The following CCDC149 variants were observed in gnomAD, a reference collection of about 807,000 sequenced individuals.
CCDC149 encodes coiled-coil domain containing 149.
A neutral mutation model predicts 59.9 loss-of-function variants in CCDC149; 45 were observed. The ratio of observed to expected loss-of-function variants is 0.75; its 90% CI spans 0.59 to 0.96. CCDC149 has a LOEUF of 0.96. CCDC149 is among the 40% of genes least tolerant of loss of function. The probability of loss-of-function intolerance (pLI) is 0.00; values close to 1 mark genes in which losing one functional copy is unlikely to be tolerated. For missense variants in CCDC149, 584 were observed against 664.7 expected (o/e 0.88, Z 1.33); for synonymous variants, 245 against 260.6 (o/e 0.94, Z 0.58).
At position 24,876,715 on chromosome 4, in the gene CCDC149, C is replaced by T. The variant is rs1396035775; in HGVS notation, c.64-18G>A. 2 of 1,594,048 alleles carry T rather than the reference C, an allele frequency of 1.3e-6. No homozygotes were observed. The highest frequency in any genetic ancestry group is 1.7e-6 in the Non-Finnish European group (2 of 1,169,428). On this transcript the variant is annotated intron_variant, in intron 1 of 12. Coordinates refer to ENST00000635206, the MANE Select transcript of CCDC149 (RefSeq NM_001330643.2). Reference sequence around the variant, plus strand: ...ACCAGGTACTGCAAAGCAAACAAATCCAGGCAATGGGTCAAAAACATCCAT... The same window carrying T: ...ACCAGGTACTGCAAAGCAAACAAATTCAGGCAATGGGTCAAAAACATCCAT...
intron 1 of CCDC149, among the ~76,000 whole-genome samples, chr4:24,899,250 G>C (rs1343793735): frequency 1.3e-5 from 2 of 152,170 alleles, no homozygotes; most frequent in Admixed American, 6.5e-5. Context: ...ATTAGAATCG[G>C]GTTGGGAGGT....
chr4:24,851,308 G>C (rs1390896952), intron 4 of CCDC149, among the ~76,000 whole-genome samples: 1 of 152,098 alleles, frequency 6.6e-6, no homozygotes, highest in Non-Finnish European at 1.5e-5. Flanking sequence ...TGTCATCCAT[G>C]CTAGAGTGCA....
rs57650226 is a variant in CCDC149 at position 24,813,489 on chromosome 4, A to AATATATATAT, written c.1193-4680_1193-4671dup. ...TATATCCCCAAGGTTCAGCTTGGGG[A>AATATATATAT]ATATATATATATATATATATATATA... is the stretch of plus-strand genomic sequence containing the variant. On this transcript the variant is annotated intron_variant, in intron 12 of 12. Coordinates refer to ENST00000635206, the MANE Select transcript of CCDC149 (RefSeq NM_001330643.2). Among the ~76,000 whole-genome samples the AATATATATAT allele has an allele frequency of 6.9e-3, 786 of 113,558 alleles. 4 individuals carry two copies. The highest frequency in any genetic ancestry group is 8.5e-3 in the Non-Finnish European group (501 of 58,882). The allele number at this position is 113,558 out of a possible 152,430, so 74.5% of individuals were successfully genotyped here. A position where few individuals can be genotyped will look rare whatever the true frequency, so the allele number is the denominator to read the frequency against.
At chr4:24,831,860 A>C (rs1424303259) in intron 8 of CCDC149, among the ~76,000 whole-genome samples, 14 of 152,250 alleles carry the variant, frequency 9.2e-5, no homozygotes, top group Admixed American at 6.5e-5. Context: ...GACTTTCATC[A>C]GCAATTTTTA....
rs1403602983 is a variant in CCDC149 at position 24,883,220 on chromosome 4, AG to A, written c.64-6524del. 1.2e-4 allele frequency among the ~76,000 whole-genome samples: 18 copies of A among 150,774 alleles called. No homozygotes were observed. In the East Asian group the frequency reaches 3.5e-3, roughly 29 times the overall value. ...TTTCTTTTCTTTTTTTTTTTTTTAAAGGTACAGAACAGAGCAGAAAATATCA... is the reference window on the plus strand; with the variant it reads ...TTTCTTTTCTTTTTTTTTTTTTTAAAGTACAGAACAGAGCAGAAAATATCA... On this transcript the variant is annotated intron_variant, in intron 1 of 12. Transcript: ENST00000635206.
rs905414768 is a variant in CCDC149 at position 24,807,625 on chromosome 4, G to C, written c.*764C>G. 1.3e-5 allele frequency: 2 copies of C among 152,146 alleles called. No homozygotes were observed. Among genetic ancestry groups the C allele is most frequent in the African/African-American group, 4.8e-5 (2 of 41,392 alleles). 9.4% of individuals were successfully genotyped at this position (152,146 alleles called of 1,614,324 possible). A position where few individuals can be genotyped will look rare whatever the true frequency, so the allele number is the denominator to read the frequency against. On this transcript the variant is annotated 3_prime_UTR_variant, in exon 13 of 13. Transcript: ENST00000635206. ...TCATCTCATCTCACAAAAAAAACCA[G>C]ACCACCACTGGGAGTCCTGTTCCCC...
At chr4:24,974,903 G>A (rs776015557) in intron 1 of CCDC149, among the ~76,000 whole-genome samples, 11 of 152,090 alleles carry the variant, frequency 7.2e-5, no homozygotes, top group Non-Finnish European at 1.3e-4. Flanking sequence ...GAAGGAAGGG[G>A]AGGGAAGGGA....
At chr4:24,813,494 A>ATCTATATCTATATCTATATATATATATC (rs1250098770) in intron 12 of CCDC149, among the ~76,000 whole-genome samples, 3 of 6,948 alleles carry the variant, frequency 4.3e-4, no homozygotes, top group African/African-American at 6.5e-4. Context: ...TGGGGAATAT[A>ATCTATATCTATATCTATATATATATATC]TATATATATA....
intron 1 of CCDC149, among the ~76,000 whole-genome samples, chr4:24,924,304 G>A (rs1363561390): frequency 6.6e-6 from 1 of 151,286 alleles, no homozygotes. Flanking sequence ...TCTTACACAT[G>A]TGAAAACCAA....
chr4:24,895,369 A>G (rs759494784), intron 1 of CCDC149, among the ~76,000 whole-genome samples: 1 of 152,146 alleles, frequency 6.6e-6, no homozygotes, highest in Non-Finnish European at 1.5e-5. Context: ...CAAATAGTAA[A>G]ACAGCATACA....
chr4:24,889,672 T>C (rs1720413790), intron 1 of CCDC149, among the ~76,000 whole-genome samples: 1 of 152,212 alleles, frequency 6.6e-6, no homozygotes, highest in African/African-American at 2.4e-5. Flanking sequence ...ATAGATTCAC[T>C]GGTTACTTCA....
intron 9 of CCDC149, among the ~76,000 whole-genome samples, chr4:24,826,226 C>T (rs1325885494): frequency 6.6e-6 from 1 of 152,104 alleles, no homozygotes; most frequent in African/African-American, 2.4e-5. Context: ...TCCCAAAGTG[C>T]TAGGATTACA....
chr4:24,912,870 C>A lies in CCDC149; in HGVS notation c.10G>T (p.Glu4Ter). 1 of 1,372,814 alleles carries A rather than the reference C, an allele frequency of 7.3e-7. No homozygotes were observed. Among genetic ancestry groups the A allele is most frequent in the South Asian group, 1.4e-5 (1 of 69,778 alleles). The allele number at this position is 1,372,814 out of a possible 1,614,324, so 85.0% of individuals were successfully genotyped here. The change falls in exon 1 of 13, where the codon GAG becomes TAG. Residue 4 changes from glutamate (E) to a stop codon, truncating the protein, a stop_gained. The change creates a premature stop within an existing upstream ORF in the 5' untranslated region. Transcript: ENST00000635206. LOFTEE classifies it high-confidence loss of function. ...TCAGTCCGGTCGCCGTTCATGGCCT[C>A]CTCCTCCATGCGCTGGCCGGCCTCC...
intron 1 of CCDC149, among the ~76,000 whole-genome samples, chr4:24,931,666 G>A (rs1412184768): frequency 6.6e-6 from 1 of 151,536 alleles, no homozygotes; most frequent in African/African-American, 2.4e-5. Context: ...GATCAAGCAG[G>A]TGGAGGTTAT....
intron 1 of CCDC149, among the ~76,000 whole-genome samples, chr4:24,957,507 C>T (rs1723502346): frequency 6.6e-6 from 1 of 152,170 alleles, no homozygotes; most frequent in Non-Finnish European, 1.5e-5. Context: ...AGGTACAGCC[C>T]TAAAAGACTG....
intron 1 of CCDC149, among the ~76,000 whole-genome samples, chr4:24,939,155 G>A (rs1722873941): frequency 6.6e-6 from 1 of 152,212 alleles, no homozygotes; most frequent in Non-Finnish European, 1.5e-5. Flanking sequence ...AGTAGGGGCG[G>A]ACTGACACCT....
At chr4:24,830,890 G>A (rs889746089) in intron 9 of CCDC149, 7 of 152,188 alleles carry the variant, frequency 4.6e-5, no homozygotes, top group African/African-American at 1.7e-4. Context: ...TTAATTTATT[G>A]TTTATTCACC....
At chr4:24,907,178 T>C (rs529495193) in intron 1 of CCDC149, among the ~76,000 whole-genome samples, 3 of 152,340 alleles carry the variant, frequency 2.0e-5, no homozygotes, top group African/African-American at 7.2e-5. Context: ...CACTGCTGCC[T>C]TGCCCGGCAG....
At chr4:24,858,447 C>T (rs571795116) in intron 3 of CCDC149, among the ~76,000 whole-genome samples, 17 of 152,292 alleles carry the variant, frequency 1.1e-4, no homozygotes, top group African/African-American at 4.1e-4. Context: ...TAAAGGTTGA[C>T]ATTTTTGCTC....
Sources: allele counts gnomAD v4.1 joint callset (sites outside exome capture counted in the v4.1 genomes callset), GRCh38; gene constraint gnomAD v4.1.1; transcripts MANE v1.5; gene names NCBI Gene and HGNC (gene_info 2026-07-23, HGNC 2026-07-21).